LGR4: variants seen among roughly 807,000 people sequenced by gnomAD.
LGR4 encodes leucine rich repeat containing G protein-coupled receptor 4.
Under a neutral mutation model 84.8 loss-of-function variants are expected in LGR4, and 44 were observed. The observed-to-expected ratio is 0.52, with a 90% CI of 0.41 to 0.67. The LOEUF (loss-of-function observed/expected upper bound fraction) is 0.67, where lower values mean the gene tolerates loss of function less well. Among genes scored for constraint, LGR4 ranks in the 30% least tolerant of loss-of-function variants. The pLI, the probability that LGR4 is intolerant of heterozygous loss-of-function variation, is 0.00. For synonymous variants in LGR4, 429 were observed against 434.3 expected, an observed-to-expected ratio of 0.99 and a Z score of 0.15; for missense variants, 1,032 against 1,131.4, an observed-to-expected ratio of 0.91 and a Z score of 1.26.
Position 27,472,782 on chromosome 11 carries a change from G to GC in LGR4, c.-481dup. The stretch of plus-strand genomic sequence containing the variant: ...TCCCGTCCTTTTCCCTTCTAGGGTT[G>GC]CACGCTCTGGTTCCCAAACCCCCGG... On this transcript the variant is annotated 5_prime_UTR_variant, in exon 1 of 18. Transcript: ENST00000379214. The GC allele has an allele frequency of 3.1e-6, 1 of 326,050 alleles. No homozygotes were observed. The allele number at this position is 326,050 out of a possible 1,614,324, so 20.2% of individuals were successfully genotyped here.
intron 1 of LGR4, among the ~76,000 whole-genome samples, chr11:27,429,683 C>T (rs995632295): frequency 5.3e-5 from 8 of 152,110 alleles, no homozygotes; most frequent in South Asian, 2.1e-4. Flanking sequence ...ATGAATCTCA[C>T]GCATATTAAC....
intron 1 of LGR4, among the ~76,000 whole-genome samples, chr11:27,428,636 C>CTAGATAGAT (rs145239257): frequency 0.034 from 5,204 of 152,266 alleles, 96 homozygotes; most frequent in Middle Eastern, 0.085. Flanking sequence ...GCACAAGGGA[C>CTAGATAGAT]AGAAAGGTAT....
chr11:27,376,916 T>A (rs763614889), intron 12 of LGR4, among the ~76,000 whole-genome samples: 98 of 152,214 alleles, frequency 6.4e-4, no homozygotes, highest in Non-Finnish European at 1.2e-3. Context: ...CTATTTCTTT[T>A]AAATATACAC....
At chr11:27,406,450 T>C (rs1788831796) in intron 2 of LGR4, among the ~76,000 whole-genome samples, 2 of 152,112 alleles carry the variant, frequency 1.3e-5, no homozygotes, top group East Asian at 3.9e-4. Flanking sequence ...ACCTCTCTGA[T>C]GAAAAGCTTC....
intron 1 of LGR4, among the ~76,000 whole-genome samples, chr11:27,426,956 C>CCCACT (rs1196503605): frequency 2.6e-5 from 4 of 152,132 alleles, no homozygotes; most frequent in African/African-American, 9.7e-5. Flanking sequence ...GTTAATGGGT[C>CCCACT]ACAGTGGGGT....
chr11:27,369,066 A>T lies in LGR4; in HGVS notation c.1657T>A (p.Leu553Ile). The T allele has an allele frequency of 6.2e-7, 1 of 1,613,984 alleles. No individual in the cohort carries two copies. The highest frequency in any genetic ancestry group is 1.1e-5 in the South Asian group (1 of 91,054). ...AAAATAACAAGCAGGTTGAAAAATA[A>T]TGCAACCAAGAAAATGAACCACACA... Reference protein sequence around the residue: ...LTVWFIFLVALFFNLLVILTT... With the variant: ...LTVWFIFLVAIFFNLLVILTT... The change falls in exon 18 of 18, where the codon TTA becomes ATA. Residue 553 changes from leucine to isoleucine, a missense_variant. Physicochemically the swap from Leu to Ile is conservative, Grantham distance 5 (BLOSUM62 2). Coordinates refer to ENST00000379214, the MANE Select transcript of LGR4 (RefSeq NM_018490.5).
chr11:27,440,731 A>G (rs1166306532), intron 1 of LGR4, among the ~76,000 whole-genome samples: 1 of 152,196 alleles, frequency 6.6e-6, no homozygotes, highest in East Asian at 1.9e-4. Flanking sequence ...CTGAAAGGGT[A>G]AGGTAGTATC....
chr11:27,396,248 G>A (rs530477399), intron 2 of LGR4, among the ~76,000 whole-genome samples: 1 of 152,312 alleles, frequency 6.6e-6, no homozygotes, highest in African/African-American at 2.4e-5. Flanking sequence ...TCACAGAAAA[G>A]GTGGGGCAGA....
At chr11:27,407,550 A>G (rs993614928) in intron 2 of LGR4, among the ~76,000 whole-genome samples, 17 of 152,162 alleles carry the variant, frequency 1.1e-4, no homozygotes, top group Non-Finnish European at 2.1e-4. Context: ...CACATAATTA[A>G]GTTTTTAGCA....
chr11:27,385,586 T>A (rs1378034313), intron 4 of LGR4, 118 bp from the exon 5 acceptor site: 1 of 631,688 alleles, frequency 1.6e-6, no homozygotes, highest in African/African-American at 1.8e-5. Flanking sequence ...TCATCTTTAA[T>A]TTTACTAGAA....
At chr11:27,451,361 C>G (rs1441222971) in intron 1 of LGR4, among the ~76,000 whole-genome samples, 1 of 152,156 alleles carries the variant, frequency 6.6e-6, no homozygotes, top group Non-Finnish European at 1.5e-5. Flanking sequence ...CAGCGCCAGG[C>G]ACTGCTGAGC....
intron 2 of LGR4, among the ~76,000 whole-genome samples, chr11:27,410,481 A>C (rs1397090231): frequency 6.6e-6 from 1 of 152,100 alleles, no homozygotes; most frequent in African/African-American, 2.4e-5. Context: ...TGGCTTCATG[A>C]TCACTCTTAA....
At chr11:27,385,531 C>A in intron 4 of LGR4, 63 bp from the exon 5 acceptor site, 2 of 1,034,554 alleles carry the variant, frequency 1.9e-6, no homozygotes, top group Non-Finnish European at 2.8e-6. Flanking sequence ...CAGTTCAAGT[C>A]TCACAACTCA....
At chr11:27,463,067 CAAAAAAA>C (rs35718980) in intron 1 of LGR4, among the ~76,000 whole-genome samples, 5 of 51,038 alleles carry the variant, frequency 9.8e-5, no homozygotes, top group South Asian at 1.1e-3. Flanking sequence ...ACCCTGTCTC[CAAAAAAA>C]AAAAAAAAAA....
intron 1 of LGR4, among the ~76,000 whole-genome samples, chr11:27,438,199 T>G (rs777244792): frequency 6.6e-6 from 1 of 152,194 alleles, no homozygotes. Flanking sequence ...CAATACAAAC[T>G]GATAACTAGT....
chr11:27,407,384 T>C (rs900722921), intron 2 of LGR4, among the ~76,000 whole-genome samples: 4 of 152,152 alleles, frequency 2.6e-5, no homozygotes, highest in Non-Finnish European at 4.4e-5. Flanking sequence ...TTGAATCAGA[T>C]GAACATAGAT....
At chr11:27,462,651 C>T (rs748984930) in intron 1 of LGR4, among the ~76,000 whole-genome samples, 7 of 152,032 alleles carry the variant, frequency 4.6e-5, no homozygotes, top group South Asian at 2.1e-4. Flanking sequence ...ACACAGACAA[C>T]GGCTTAGTCA....
At chr11:27,463,067 C>CA (rs35718980) in intron 1 of LGR4, among the ~76,000 whole-genome samples, 27,254 of 51,268 alleles carry the variant, frequency 0.53, 9,837 homozygotes, top group Non-Finnish European at 0.65. Context: ...ACCCTGTCTC[C>CA]AAAAAAAAAA....
intron 1 of LGR4, among the ~76,000 whole-genome samples, chr11:27,456,317 A>AAC (rs10659783): frequency 0.73 from 110,197 of 151,842 alleles, 40,260 homozygotes; most frequent in South Asian, 0.8. Flanking sequence ...TCACACCATC[A>AAC]ACACACAGTG....
Sources: gnomAD v4.1 joint callset for allele counts (sites outside exome capture counted in the v4.1 genomes callset) on GRCh38, gnomAD v4.1.1 for gene constraint, MANE v1.5 for transcripts, NCBI Gene and HGNC (gene_info 2026-07-23, HGNC 2026-07-21) for gene names.